Variants in CMIP observed in about 807,000 individuals in gnomAD.
CMIP encodes the protein C-Maf-inducing protein.
Under a neutral mutation model 97.3 loss-of-function variants are expected in CMIP, and 13 were observed. That is an observed-to-expected ratio of 0.13 (90% CI 0.09 to 0.21). The LOEUF is 0.21. Ranked by LOEUF, CMIP falls within the 10% of genes least tolerant of loss-of-function variation. The pLI, the probability that CMIP is intolerant of heterozygous loss-of-function variation, is 1.00. For synonymous variants in CMIP, 538 were observed against 436.3 expected, an observed-to-expected ratio of 1.23 and a Z score of -2.91; for missense variants, 847 against 1,024.9, an observed-to-expected ratio of 0.83 and a Z score of 2.37.
intron 2 of CMIP, chr16:81,610,493 G>C: frequency 1.0e-6 from 1 of 985,688 alleles, no homozygotes; most frequent in South Asian, 4.7e-5. Context: ...GAGCTAATGA[G>C]GGAGCAGCAG....
intron 13 of CMIP, among the ~76,000 whole-genome samples, chr16:81,694,032 C>A (rs1310897062): frequency 3.9e-5 from 6 of 152,210 alleles, no homozygotes; most frequent in African/African-American, 2.4e-5. Flanking sequence ...TAGCCCTGGG[C>A]CCGCATCATC....
At chr16:81,499,297 A>G (rs1156976492) in intron 1 of CMIP, among the ~76,000 whole-genome samples, 1 of 152,110 alleles carries the variant, frequency 6.6e-6, no homozygotes, top group Non-Finnish European at 1.5e-5. Context: ...ACACCTATGC[A>G]TGGAAGGACA....
At chr16:81,498,006 T>G (rs574379440) in intron 1 of CMIP, among the ~76,000 whole-genome samples, 1 of 152,366 alleles carries the variant, frequency 6.6e-6, no homozygotes, top group Admixed American at 6.5e-5. Flanking sequence ...GGTTTCCTTT[T>G]CATTGTTCTT....
rs190789128 is a variant in CMIP at position 81,647,714 on chromosome 16, A to G, written c.478-4489A>G. Among the ~76,000 whole-genome samples, 958 of 152,116 alleles carry G rather than the reference A, an allele frequency of 6.3e-3. 10 individuals are homozygous for G. Among genetic ancestry groups the G allele is most frequent in the African/African-American group, 0.022 (914 of 41,502 alleles). On this transcript the variant is annotated intron_variant, in intron 3 of 20. Transcript: ENST00000537098. ...GAGGCGTCCCTATCCCAGCTCCACC[A>G]TGATTCATCACCTGATGAGCTCATC...
At chr16:81,634,128 G>A (rs1378888180) in intron 3 of CMIP, among the ~76,000 whole-genome samples, 1 of 152,234 alleles carries the variant, frequency 6.6e-6, no homozygotes, top group Non-Finnish European at 1.5e-5. Context: ...GTGGCAGGAT[G>A]AGAGCAGCAA....
intron 1 of CMIP, among the ~76,000 whole-genome samples, chr16:81,449,137 C>T (rs1279249510): frequency 6.6e-6 from 1 of 152,216 alleles, no homozygotes; most frequent in Non-Finnish European, 1.5e-5. Context: ...AAGCTGCCTA[C>T]CTTTTATTTC....
At chr16:81,552,048 A>G (rs1399935030) in intron 1 of CMIP, among the ~76,000 whole-genome samples, 1 of 152,060 alleles carries the variant, frequency 6.6e-6, no homozygotes, top group African/African-American at 2.4e-5. Flanking sequence ...AGGACTGGGG[A>G]GCCCAGCGCT....
At chr16:81,472,475 C>G (rs759839284) in intron 1 of CMIP, among the ~76,000 whole-genome samples, 22 of 152,146 alleles carry the variant, frequency 1.4e-4, no homozygotes, top group Non-Finnish European at 2.6e-4. Flanking sequence ...CCCAGGGGTC[C>G]CCTGGGTCTT....
chr16:81,595,155 C>T (rs1214573481), intron 1 of CMIP, among the ~76,000 whole-genome samples: 5 of 151,910 alleles, frequency 3.3e-5, no homozygotes. Flanking sequence ...GCTGGATTCA[C>T]CAGGTTGTAC....
At position 81,620,891 on chromosome 16, in the gene CMIP, C is replaced by G; in HGVS notation, c.442C>G (p.Leu148Val). The G allele has an allele frequency of 1.2e-6, 2 of 1,614,026 alleles. No homozygotes were observed. Among genetic ancestry groups the G allele is most frequent in the South Asian group, 1.1e-5 (1 of 91,084 alleles). The change falls in exon 3 of 21, where the codon CTG (leucine) becomes GTG (valine). Residue 148 changes from leucine (L) to valine (V), a missense_variant. Coordinates refer to ENST00000537098, the MANE Select transcript of CMIP (RefSeq NM_198390.3). ...TVLLQAANSYLRDQWFHSLQW... is the reference protein window; with the variant it reads ...TVLLQAANSYVRDQWFHSLQW... ...GTCGTTACAGGCTGCCAATAGCTACCTGCGAGACCAGTGGTTCCATTCTCT... is the reference window on the plus strand; with the variant it reads ...GTCGTTACAGGCTGCCAATAGCTACGTGCGAGACCAGTGGTTCCATTCTCT...
intron 17 of CMIP, 78 bp from the exon 18 acceptor site, chr16:81,703,861 G>A (rs947953935): frequency 1.5e-5 from 23 of 1,500,010 alleles, no homozygotes; most frequent in African/African-American, 1.4e-4. Context: ...GGGAGAGGAG[G>A]AGGATAGGGG....
chr16:81,657,849 A>G (rs1177750464), intron 5 of CMIP, 33 bp downstream of exon 5: 3 of 1,566,494 alleles, frequency 1.9e-6, no homozygotes, highest in South Asian at 2.3e-5. Flanking sequence ...CCCTCCACCC[A>G]CCTCCGCCTC....
chr16:81,530,040 A>T (rs760292083), intron 1 of CMIP, among the ~76,000 whole-genome samples: 5 of 152,156 alleles, frequency 3.3e-5, no homozygotes, highest in Non-Finnish European at 5.9e-5. Flanking sequence ...TTGGCTGGGG[A>T]CAGTAAGACC....
At chr16:81,581,635 A>G (rs547451331) in intron 1 of CMIP, among the ~76,000 whole-genome samples, 436 of 152,290 alleles carry the variant, frequency 2.9e-3, no homozygotes, top group Non-Finnish European at 4.4e-3. Context: ...TCTTTGGGGT[A>G]TTCACCTAGA....
At position 81,481,880 on chromosome 16, in the gene CMIP, C is replaced by CTTTT. The variant is rs768919033; in HGVS notation, c.300+36352_300+36355dup. Among the ~76,000 whole-genome samples the CTTTT allele has an allele frequency of 2.9e-3, 399 of 136,594 alleles. 3 individuals are homozygous for CTTTT. The highest frequency in any genetic ancestry group is 0.011 in the African/African-American group (388 of 36,056). The allele number at this position is 136,594 out of a possible 152,430, so 89.6% of individuals were successfully genotyped here. A position where few individuals can be genotyped will look rare whatever the true frequency, so the allele number is the denominator to read the frequency against. ...CTGGCTCTGGCCCTCCCGCCTCCCT[C>CTTTT]TTTTTTTTTTTTTTTTGAGAGGGGG... On this transcript the variant is annotated intron_variant, in intron 1 of 20. Transcript: ENST00000537098.
At chr16:81,693,285 T>A (rs1567667089) in intron 12 of CMIP, 101 bp downstream of exon 12, 1 of 1,400,140 alleles carries the variant, frequency 7.1e-7, no homozygotes, top group Admixed American at 1.9e-5. Context: ...CAGTGGTGGC[T>A]CCTCTTGGCA....
At chr16:81,667,799 A>AGAGAGAGAGAGAGAGAGAGAGTGTGTGT in intron 7 of CMIP, among the ~76,000 whole-genome samples, 13 of 58,134 alleles carry the variant, frequency 2.2e-4, no homozygotes, top group East Asian at 1.3e-3. Flanking sequence ...AGAGAGAGAG[A>AGAGAGAGAGAGAGAGAGAGAGTGTGTGT]GTGTGTGTGT....
intron 3 of CMIP, among the ~76,000 whole-genome samples, chr16:81,644,926 A>T (rs559530137): frequency 5.3e-5 from 8 of 152,246 alleles, no homozygotes; most frequent in Non-Finnish European, 7.4e-5. Flanking sequence ...CTCAGCATCG[A>T]TGGGTAGAGG....
chr16:81,573,826 A>G (rs998856598), intron 1 of CMIP, among the ~76,000 whole-genome samples: 3 of 152,218 alleles, frequency 2.0e-5, no homozygotes, highest in African/African-American at 4.8e-5. Context: ...TGCTTAACGC[A>G]TGCGTGGCCC....
Sources: gnomAD v4.1 joint callset for allele counts (sites outside exome capture counted in the v4.1 genomes callset) on GRCh38, gnomAD v4.1.1 for gene constraint, MANE v1.5 for transcripts, NCBI Gene and HGNC (gene_info 2026-07-23, HGNC 2026-07-21) for gene names.